The following GLIS1 variants were observed in gnomAD, a reference collection of about 807,000 sequenced individuals.
GLIS1 encodes zinc finger protein GLIS1.
Under a neutral mutation model 63.8 loss-of-function variants are expected in GLIS1, and 24 were observed. The ratio of observed to expected loss-of-function variants is 0.38; its 90% confidence interval spans 0.27 to 0.53. GLIS1 has a LOEUF of 0.53. Among genes scored for constraint, GLIS1 ranks in the 20% least tolerant of loss-of-function variants. The pLI is 0.85. For synonymous variants in GLIS1, 450 were observed against 482.5 expected (o/e 0.93, Z 0.88); for missense variants, 1,036 against 1,074.1 (o/e 0.96, Z 0.50).
In GLIS1 at chr1:53,649,343, C is replaced by T. The variant is rs143654796; in HGVS notation, c.260-49065G>A. Among the ~76,000 whole-genome samples, 356 of 152,324 alleles carry T rather than the reference C, an allele frequency of 2.3e-3. 2 individuals carry two copies. The highest frequency in any genetic ancestry group is 4.0e-3 in the Non-Finnish European group (269 of 68,036). ...ATTAACTATATGTTCTGTACGACTG[C>T]AGCTATGTCATAGCCACCTCCTGTT... On this transcript the variant is annotated intron_variant, in intron 2 of 10. Transcript: ENST00000628545.
intron 4 of GLIS1, among the ~76,000 whole-genome samples, chr1:53,540,807 C>T (rs1401974027): frequency 6.6e-6 from 1 of 152,218 alleles, no homozygotes; most frequent in Non-Finnish European, 1.5e-5. Flanking sequence ...GTACAACATA[C>T]ATCTGGGGCT....
At position 53,612,271 on chromosome 1, in the gene GLIS1, G is replaced by A. The variant is rs149456497; in HGVS notation, c.260-11993C>T. ...TTTTGTTTTTTTTAGATGGAGTCTC[G>A]CTCTGTCACCCAAGCTGGAGTGCAG... is the stretch of plus-strand genomic sequence containing the variant. On this transcript the variant is annotated intron_variant, in intron 2 of 10. Coordinates refer to ENST00000628545, the MANE Select transcript of GLIS1 (RefSeq NM_001367484.1). 4.4e-3 allele frequency among the ~76,000 whole-genome samples: 676 copies of A among 152,114 alleles called. 6 individuals are homozygous for A. Among genetic ancestry groups the A allele is most frequent in the African/African-American group, 0.016 (649 of 41,490 alleles).
At position 53,594,558 on chromosome 1, in the gene GLIS1, GC is replaced by G; in HGVS notation, c.869del (p.Gly290AlafsTer31). On this transcript the variant is annotated frameshift_variant, in exon 4 of 11. Transcript: ENST00000628545. LOFTEE classifies it high-confidence loss of function. The part of the protein sequence containing the change: ...RSPPLTGDLG[G>X]PSKRARPGPA... The stretch of plus-strand genomic sequence containing the variant: ...GGCCAGGCCGGGCCCGCTTGGAAGG[GC>G]CCCCCAGATCTCCCGTCAGAGGGGG... 6 of 1,601,340 alleles carry G rather than the reference GC, an allele frequency of 3.7e-6. No homozygotes were observed. The highest frequency in any genetic ancestry group is 5.1e-6 in the Non-Finnish European group (6 of 1,170,724).
intron 1 of GLIS1, among the ~76,000 whole-genome samples, chr1:53,738,419 G>A (rs574739788): frequency 6.6e-6 from 1 of 152,290 alleles, no homozygotes; most frequent in South Asian, 2.1e-4. Context: ...TGGTGAAACT[G>A]AGGCCTGGAG....
At chr1:53,702,476 TG>T (rs1646533887) in intron 2 of GLIS1, among the ~76,000 whole-genome samples, 2 of 152,154 alleles carry the variant, frequency 1.3e-5, no homozygotes, top group African/African-American at 4.8e-5. Flanking sequence ...TGTGGCCTCC[TG>T]GGAGAGGGTG....
intron 2 of GLIS1, among the ~76,000 whole-genome samples, chr1:53,603,526 T>G (rs1401434977): frequency 6.6e-6 from 1 of 152,228 alleles, no homozygotes; most frequent in African/African-American, 2.4e-5. Flanking sequence ...CACGGTCCCA[T>G]GTCTGCCAGG....
At chr1:53,733,816 C>T (rs1426058826) in intron 2 of GLIS1, 3 of 693,136 alleles carry the variant, frequency 4.3e-6, no homozygotes, top group Non-Finnish European at 5.3e-6. Flanking sequence ...ATTTCCGGAT[C>T]GCAGGACCAG....
chr1:53,532,769 G>T (rs1268256942), intron 4 of GLIS1, among the ~76,000 whole-genome samples: 1 of 152,212 alleles, frequency 6.6e-6, no homozygotes, highest in African/African-American at 2.4e-5. Flanking sequence ...GTGGGAGAGT[G>T]CTGGAAGGTG....
chr1:53,718,473 A>C (rs1646721886), intron 2 of GLIS1, among the ~76,000 whole-genome samples: 1 of 152,194 alleles, frequency 6.6e-6, no homozygotes, highest in African/African-American at 2.4e-5. Flanking sequence ...AAACTAAGCA[A>C]ATGAAAAAAG....
chr1:53,599,787 CTG>C lies in GLIS1; in HGVS notation c.437+312_437+313del, dbSNP rs1360887026. On this transcript the variant is annotated intron_variant, in intron 3 of 10. Transcript: ENST00000628545. Reference sequence around the variant, plus strand: ...CCTATCAGCAGTTCAGGGTTTGACACTGTATAAACTCTGAGCTGGGCTTTCCT... The same window carrying C: ...CCTATCAGCAGTTCAGGGTTTGACACTATAAACTCTGAGCTGGGCTTTCCT... Among the ~76,000 whole-genome samples the C allele has an allele frequency of 3.9e-5, 6 of 152,352 alleles. No homozygotes were observed. The East Asian group carries it at 1.2e-3, about 29-fold the overall frequency.
intron 7 of GLIS1, among the ~76,000 whole-genome samples, chr1:53,518,308 CT>C (rs1311138744): frequency 6.6e-6 from 1 of 152,180 alleles, no homozygotes; most frequent in Non-Finnish European, 1.5e-5. Context: ...CACAGATGGT[CT>C]GGGTTCCAAT....
intron 5 of GLIS1, among the ~76,000 whole-genome samples, chr1:53,528,778 G>T (rs1644497359): frequency 6.6e-6 from 1 of 152,090 alleles, no homozygotes; most frequent in South Asian, 2.1e-4. Flanking sequence ...AACTGGACGG[G>T]CTGGGGGGCA....
At chr1:53,737,782 G>A in intron 2 of GLIS1, 24 bp downstream of exon 2, 1 of 1,230,910 alleles carries the variant, frequency 8.1e-7, no homozygotes, top group Non-Finnish European at 1.0e-6. Context: ...GAGCCGCCAG[G>A]CACGTTGGCA....
At chr1:53,632,628 G>A (rs552615309) in intron 2 of GLIS1, among the ~76,000 whole-genome samples, 2 of 150,978 alleles carry the variant, frequency 1.3e-5, no homozygotes, top group African/African-American at 4.9e-5. Flanking sequence ...GGAGGGGCAT[G>A]TGAATGAGTG....
chr1:53,700,855 G>C (rs1646516244), intron 2 of GLIS1, among the ~76,000 whole-genome samples: 1 of 152,198 alleles, frequency 6.6e-6, no homozygotes, highest in South Asian at 2.1e-4. Context: ...GACATTTCAT[G>C]TTAATGGATT....
At chr1:53,570,409 A>T (rs1231068856) in intron 4 of GLIS1, among the ~76,000 whole-genome samples, 1 of 152,166 alleles carries the variant, frequency 6.6e-6, no homozygotes, top group African/African-American at 2.4e-5. Context: ...AGTGTAAGCC[A>T]CTGCACCTGG....
At chr1:53,512,070 A>T (rs1191130593) in intron 8 of GLIS1, among the ~76,000 whole-genome samples, 5 of 152,214 alleles carry the variant, frequency 3.3e-5, no homozygotes, top group African/African-American at 1.2e-4. Context: ...GGGAAAAAAC[A>T]TGTGTTTTCA....
At chr1:53,554,048 C>T (rs1228027205) in intron 4 of GLIS1, among the ~76,000 whole-genome samples, 1 of 152,224 alleles carries the variant, frequency 6.6e-6, no homozygotes, top group Non-Finnish European at 1.5e-5. Context: ...CCTCCCTAAA[C>T]TCTGGCTCCA....
chr1:53,508,321 C>T (rs916218279), intron 10 of GLIS1, among the ~76,000 whole-genome samples: 15 of 152,336 alleles, frequency 9.8e-5, no homozygotes, highest in African/African-American at 3.6e-4. Flanking sequence ...ATGTGCCCGG[C>T]TGAGGCCTCA....
Sources: gnomAD v4.1 joint callset for allele counts (sites outside exome capture counted in the v4.1 genomes callset) on GRCh38, gnomAD v4.1.1 for gene constraint, MANE v1.5 for transcripts, NCBI Gene and HGNC (gene_info 2026-07-23, HGNC 2026-07-21) for gene names.